MYT1L: variants seen among roughly 807,000 people sequenced by gnomAD.
MYT1L encodes myelin transcription factor 1-like protein.
A neutral mutation model predicts 126.7 loss-of-function variants in MYT1L; 12 were observed. That is an observed-to-expected ratio of 0.09 (90% confidence interval 0.06 to 0.15). MYT1L has a LOEUF of 0.15. Ranked by LOEUF, MYT1L falls within the 10% of genes least tolerant of loss-of-function variation. The pLI is 1.00. For synonymous variants in MYT1L, 541 were observed against 604.2 expected (o/e 0.90, Z 1.53); for missense variants, 979 against 1,585.2 (o/e 0.62, Z 6.49).
At chr2:2,041,699 T>C (rs2067563763) in intron 4 of MYT1L, among the ~76,000 whole-genome samples, 1 of 152,152 alleles carries the variant, frequency 6.6e-6, no homozygotes, top group Non-Finnish European at 1.5e-5. Context: ...TCTGGTTTCA[T>C]TATGGATTTT....
At position 1,814,026 on chromosome 2, in the gene MYT1L, CCA is replaced by C. The variant is rs562532242; in HGVS notation, c.3081-4861_3081-4860del. Among the ~76,000 whole-genome samples the C allele has an allele frequency of 3.3e-4, 29 of 88,400 alleles. 1 individual carries two copies. Among genetic ancestry groups the C allele is most frequent in the South Asian group, 1.4e-3 (3 of 2,104 alleles). The allele number at this position is 88,400 out of a possible 152,430, so 58.0% of individuals were successfully genotyped here. A position where few individuals can be genotyped will look rare whatever the true frequency, so the allele number is the denominator to read the frequency against. ...TGGGCGACAGAGCGAGACTCCGTCC[CCA>C]AAAAAAAAAAAAAAAGAAAGAAAAA... is the stretch of plus-strand genomic sequence containing the variant. On this transcript the variant is annotated intron_variant, in intron 21 of 24. Coordinates refer to ENST00000647738, the MANE Select transcript of MYT1L (RefSeq NM_001303052.2).
chr2:2,016,346 T>C (rs747245005), intron 4 of MYT1L, among the ~76,000 whole-genome samples: 8 of 152,236 alleles, frequency 5.3e-5, no homozygotes, highest in Non-Finnish European at 1.2e-4. Flanking sequence ...GCCGGGAAGC[T>C]GTCTGAAAAC....
At chr2:2,126,058 G>A (rs2081646628) in intron 3 of MYT1L, among the ~76,000 whole-genome samples, 3 of 152,178 alleles carry the variant, frequency 2.0e-5, no homozygotes, top group African/African-American at 7.2e-5. Flanking sequence ...CAGGCTCCAG[G>A]CCTTGCATTT....
At chr2:1,953,191 G>A (rs2058043428) in intron 8 of MYT1L, among the ~76,000 whole-genome samples, 1 of 152,026 alleles carries the variant, frequency 6.6e-6, no homozygotes, top group Non-Finnish European at 1.5e-5. Context: ...TTGAACTCCT[G>A]GGCTCAAGTG....
At chr2:2,109,076 T>C (rs532081880) in intron 3 of MYT1L, among the ~76,000 whole-genome samples, 1 of 152,354 alleles carries the variant, frequency 6.6e-6, no homozygotes, top group African/African-American at 2.4e-5. Context: ...TAAAAGTCTG[T>C]GGATTCCTCT....
At chr2:2,141,033 C>G (rs1348882941) in intron 3 of MYT1L, among the ~76,000 whole-genome samples, 2 of 152,154 alleles carry the variant, frequency 1.3e-5, no homozygotes, top group Non-Finnish European at 1.5e-5. Flanking sequence ...TCCAATACCG[C>G]TTGTTTTCAT....
intron 10 of MYT1L, among the ~76,000 whole-genome samples, chr2:1,919,645 T>C (rs2053308171): frequency 6.6e-6 from 1 of 152,270 alleles, no homozygotes; most frequent in East Asian, 1.9e-4. Context: ...TAGAGCCTGT[T>C]GACATGCTAG....
At position 1,794,923 on chromosome 2, in the gene MYT1L, T is replaced by C. The variant is rs568202977; in HGVS notation, c.3277-2459A>G. ...TGATAATCTCCTGAACCAGGCTGCT[T>C]GGTGAGCCCCGTCCAGGGTCAGAGA... is the stretch of plus-strand genomic sequence containing the variant. On this transcript the variant is annotated intron_variant, in intron 23 of 24. Coordinates refer to ENST00000647738, the MANE Select transcript of MYT1L (RefSeq NM_001303052.2). 1.5e-3 allele frequency among the ~76,000 whole-genome samples: 234 copies of C among 152,334 alleles called. 2 individuals are homozygous for C. The highest frequency in any genetic ancestry group is 4.4e-3 in the Admixed American group (67 of 15,298).
At chr2:1,878,004 T>C (rs928795477) in intron 18 of MYT1L, among the ~76,000 whole-genome samples, 2 of 152,236 alleles carry the variant, frequency 1.3e-5, no homozygotes, top group African/African-American at 4.8e-5. Flanking sequence ...TTATTAGCCA[T>C]GTATGTGTTA....
intron 4 of MYT1L, among the ~76,000 whole-genome samples, chr2:2,038,878 T>C (rs939014124): frequency 6.6e-6 from 1 of 152,058 alleles, no homozygotes; most frequent in Non-Finnish European, 1.5e-5. Flanking sequence ...GCCCTTCTTA[T>C]GTTCAGGCAT....
Position 1,842,879 on chromosome 2 carries a change from A to AGGCGCTTCCGCTTCCG in MYT1L, c.2775-2037_2775-2036insCGGAAGCGGAAGCGCC, listed in dbSNP as rs1558727146. 5 of 137,478 alleles carry AGGCGCTTCCGCTTCCG rather than the reference A, an allele frequency of 3.6e-5. No homozygotes were observed. The South Asian group carries it at 8.3e-4, about 23-fold the overall frequency. 8.5% of individuals were successfully genotyped at this position (137,478 alleles called of 1,614,324 possible). On this transcript the variant is annotated intron_variant, in intron 19 of 24. Coordinates refer to ENST00000647738, the MANE Select transcript of MYT1L (RefSeq NM_001303052.2). ...CCTCGTCTGTCCAGCTTCCGCTTCCAGGCGCTTCCGCTTCCAGGCGCTTCC... is the reference window on the plus strand; with the variant it reads ...CCTCGTCTGTCCAGCTTCCGCTTCCAGGCGCTTCCGCTTCCGGGCGCTTCCGCTTCCAGGCGCTTCC...
intron 2 of MYT1L, among the ~76,000 whole-genome samples, chr2:2,176,561 C>A (rs1044254773): frequency 6.6e-6 from 1 of 151,072 alleles, no homozygotes; most frequent in South Asian, 2.1e-4. Flanking sequence ...TGCAGTGGCA[C>A]GATCTTGGCT....
intron 17 of MYT1L, 38 bp from the exon 18 acceptor site, chr2:1,886,645 C>T (rs377143300): frequency 1.5e-4 from 216 of 1,399,568 alleles, no homozygotes; most frequent in Non-Finnish European, 1.9e-4. Flanking sequence ...CAGTCAACTG[C>T]GAAGCGCGTA....
At chr2:1,835,497 T>C (rs73913432) in intron 21 of MYT1L, among the ~76,000 whole-genome samples, 6,702 of 152,318 alleles carry the variant, frequency 0.044, 485 homozygotes, top group African/African-American at 0.15. Context: ...TCTGTATACC[T>C]AACACTACTG....
intron 4 of MYT1L, among the ~76,000 whole-genome samples, chr2:2,000,958 A>T (rs2062309621): frequency 6.6e-6 from 1 of 152,176 alleles, no homozygotes. Flanking sequence ...TCAGAAGCTC[A>T]GAAGCACGGG....
chr2:2,264,627 C>T (rs2095074719), intron 2 of MYT1L, among the ~76,000 whole-genome samples: 1 of 152,142 alleles, frequency 6.6e-6, no homozygotes, highest in Non-Finnish European at 1.5e-5. Context: ...CCATGGTGCT[C>T]AGCGGAGTGT....
At chr2:1,826,412 T>C (rs1379024458) in intron 21 of MYT1L, among the ~76,000 whole-genome samples, 1 of 152,146 alleles carries the variant, frequency 6.6e-6, no homozygotes, top group Admixed American at 6.5e-5. Context: ...GGAATCTTCC[T>C]GCAAAAACAA....
intron 3 of MYT1L, among the ~76,000 whole-genome samples, chr2:2,064,618 A>G (rs1243048191): frequency 1.3e-5 from 2 of 152,234 alleles, no homozygotes; most frequent in African/African-American, 2.4e-5. Flanking sequence ...GCAATAATCT[A>G]TACAATTCTG....
At chr2:2,085,297 C>T (rs898007935) in intron 3 of MYT1L, among the ~76,000 whole-genome samples, 2 of 152,116 alleles carry the variant, frequency 1.3e-5, no homozygotes, top group African/African-American at 2.4e-5. Flanking sequence ...CCTCTAGAGA[C>T]CCCCACTGTC....
Sources: gnomAD v4.1 joint callset for allele counts (sites outside exome capture counted in the v4.1 genomes callset) on GRCh38, gnomAD v4.1.1 for gene constraint, MANE v1.5 for transcripts, NCBI Gene and HGNC (gene_info 2026-07-23, HGNC 2026-07-21) for gene names.